The following AJAP1 variants were observed in gnomAD, a reference collection of about 807,000 sequenced individuals.
The protein encoded by AJAP1 is adherens junctions associated protein 1.
AJAP1 carries 5 observed loss-of-function variants against 35.0 expected under a neutral mutation model. That is an observed-to-expected ratio of 0.14 (90% CI 0.07 to 0.30). The LOEUF (loss-of-function observed/expected upper bound fraction) is 0.30. Among genes scored for constraint, AJAP1 ranks in the 10% least tolerant of loss-of-function variants. The pLI, the probability that AJAP1 is intolerant of heterozygous loss-of-function variation, is 1.00. For synonymous variants in AJAP1, 284 were observed against 249.3 expected, an observed-to-expected ratio of 1.14 and a Z score of -1.31; for missense variants, 586 against 571.0, an observed-to-expected ratio of 1.03 and a Z score of -0.27.
intron 2 of AJAP1, among the ~76,000 whole-genome samples, chr1:4,747,744 T>G (rs1641222484): frequency 6.6e-6 from 1 of 152,074 alleles, no homozygotes; most frequent in Non-Finnish European, 1.5e-5. Flanking sequence ...TCCCAGCACT[T>G]TGGGAGGCTG....
At chr1:4,660,709 A>G (rs570200558) in intron 1 of AJAP1, among the ~76,000 whole-genome samples, 34 of 151,994 alleles carry the variant, frequency 2.2e-4, no homozygotes, top group African/African-American at 8.0e-4. Context: ...TGATGTGGAA[A>G]TGGGGAAAGG....
At chr1:4,685,610 C>T (rs1479726409) in intron 1 of AJAP1, among the ~76,000 whole-genome samples, 1 of 152,168 alleles carries the variant, frequency 6.6e-6, no homozygotes, top group Admixed American at 6.5e-5. Flanking sequence ...TCTTGTTTTC[C>T]AGCTGCTGCT....
At chr1:4,750,319 G>T (rs971573246) in intron 2 of AJAP1, among the ~76,000 whole-genome samples, 2 of 152,220 alleles carry the variant, frequency 1.3e-5, no homozygotes, top group Non-Finnish European at 2.9e-5. Flanking sequence ...CATACTTCTC[G>T]CTGCCAATGC....
intron 4 of AJAP1, among the ~76,000 whole-genome samples, chr1:4,773,890 G>A (rs979375249): frequency 6.6e-5 from 10 of 152,198 alleles, no homozygotes; most frequent in Admixed American, 5.2e-4. Context: ...TCGCACAGCT[G>A]GTGCTCTCGT....
At chr1:4,779,783 G>T (rs1440514591) in intron 5 of AJAP1, among the ~76,000 whole-genome samples, 1 of 152,002 alleles carries the variant, frequency 6.6e-6, no homozygotes, top group African/African-American at 2.4e-5. Context: ...CTAGCTTCTG[G>T]TGGCCCGAGG....
intron 2 of AJAP1, among the ~76,000 whole-genome samples, chr1:4,751,435 G>A (rs1275592421): frequency 6.6e-6 from 1 of 152,216 alleles, no homozygotes; most frequent in Non-Finnish European, 1.5e-5. Context: ...CCCCAGCAAG[G>A]AGAGTGCTGA....
intron 1 of AJAP1, among the ~76,000 whole-genome samples, chr1:4,664,847 G>T (rs778634603): frequency 5.3e-5 from 8 of 152,174 alleles, no homozygotes; most frequent in Non-Finnish European, 8.8e-5. Context: ...AGGCAAGGGT[G>T]AAGCAATCAC....
At chr1:4,771,693 G>A (rs1225166088) in intron 3 of AJAP1, among the ~76,000 whole-genome samples, 2 of 152,188 alleles carry the variant, frequency 1.3e-5, no homozygotes, top group Admixed American at 6.5e-5. Flanking sequence ...AGGCAGGCAC[G>A]CAGGACACTT....
chr1:4,703,053 G>C (rs1396187228), intron 1 of AJAP1, among the ~76,000 whole-genome samples: 1 of 152,134 alleles, frequency 6.6e-6, no homozygotes, highest in Non-Finnish European at 1.5e-5. Context: ...CGCGCTGGAC[G>C]TGTCCGGGCC....
At chr1:4,726,241 T>A (rs1390778610) in intron 2 of AJAP1, among the ~76,000 whole-genome samples, 2 of 152,166 alleles carry the variant, frequency 1.3e-5, no homozygotes, top group African/African-American at 2.4e-5. Context: ...AGGCCCTGAA[T>A]CTTTTAAGGC....
intron 2 of AJAP1, among the ~76,000 whole-genome samples, chr1:4,715,482 G>A (rs1388436572): frequency 3.3e-5 from 5 of 152,170 alleles, no homozygotes; most frequent in Non-Finnish European, 7.3e-5. Flanking sequence ...TCAGGAGTTC[G>A]AGGCCAGCCT....
At chr1:4,759,865 C>A (rs1450161750) in intron 2 of AJAP1, among the ~76,000 whole-genome samples, 1 of 152,176 alleles carries the variant, frequency 6.6e-6, no homozygotes, top group Non-Finnish European at 1.5e-5. Flanking sequence ...ACGCAGGGCC[C>A]AGCCCCTCCC....
chr1:4,752,611 T>G (rs1641343983), intron 2 of AJAP1, among the ~76,000 whole-genome samples: 1 of 152,210 alleles, frequency 6.6e-6, no homozygotes. Flanking sequence ...GCAGCTCTGA[T>G]GAGGTCTGGC....
At chr1:4,767,507 C>T (rs1315204619) in intron 2 of AJAP1, among the ~76,000 whole-genome samples, 3 of 149,630 alleles carry the variant, frequency 2.0e-5, no homozygotes, top group Admixed American at 1.3e-4. Flanking sequence ...TTATCACCAT[C>T]ATCACCATCA....
intron 1 of AJAP1, among the ~76,000 whole-genome samples, chr1:4,673,387 G>C (rs1639289267): frequency 6.6e-6 from 1 of 152,244 alleles, no homozygotes; most frequent in African/African-American, 2.4e-5. Context: ...CCCCTCCCCT[G>C]CCCTTCATCC....
intron 1 of AJAP1, among the ~76,000 whole-genome samples, chr1:4,697,164 C>T (rs921366984): frequency 1.6e-4 from 25 of 152,064 alleles, no homozygotes; most frequent in African/African-American, 6.0e-4. Flanking sequence ...GCATGCCTGA[C>T]TGTATTAGTT....
intron 2 of AJAP1, among the ~76,000 whole-genome samples, chr1:4,749,112 G>A (rs1355396017): frequency 1.3e-5 from 2 of 152,178 alleles, no homozygotes; most frequent in Admixed American, 6.5e-5. Context: ...TGCCCAGCTC[G>A]TTCCAGTCTT....
At chr1:4,733,899 C>T (rs1456375626) in intron 2 of AJAP1, among the ~76,000 whole-genome samples, 1 of 151,876 alleles carries the variant, frequency 6.6e-6, no homozygotes, top group Non-Finnish European at 1.5e-5. Flanking sequence ...TTTCTGTGCT[C>T]ATAATTCTAG....
chr1:4,781,266 A>G (rs1422244075), intron 5 of AJAP1, among the ~76,000 whole-genome samples: 1 of 152,134 alleles, frequency 6.6e-6, no homozygotes, highest in Non-Finnish European at 1.5e-5. Context: ...CAGTTGATTC[A>G]GGAGAGAGAA....
Sources: gnomAD v4.1 joint callset for allele counts (sites outside exome capture counted in the v4.1 genomes callset) on GRCh38, gnomAD v4.1.1 for gene constraint, MANE v1.5 for transcripts, NCBI Gene and HGNC (gene_info 2026-07-23, HGNC 2026-07-21) for gene names.